ITIH3: variants seen among roughly 807,000 people sequenced by gnomAD.
The protein encoded by ITIH3 is inter-alpha-trypsin inhibitor heavy chain H3.
Under a neutral mutation model 96.5 loss-of-function variants are expected in ITIH3, and 81 were observed. The ratio of observed to expected loss-of-function variants is 0.84; its 90% CI spans 0.70 to 1.01. The LOEUF (loss-of-function observed/expected upper bound fraction) is 1.01. Among genes scored for constraint, ITIH3 ranks in the 50% least tolerant of loss-of-function variants. ITIH3 has a pLI of 0.00. For synonymous variants in ITIH3, 422 were observed against 445.2 expected, an observed-to-expected ratio of 0.95 and a Z score of 0.66; for missense variants, 1,057 against 1,139.3, an observed-to-expected ratio of 0.93 and a Z score of 1.04.
chr3:52,801,366 C>T (rs1256452991), intron 11 of ITIH3, among the ~76,000 whole-genome samples: 3 of 152,222 alleles, frequency 2.0e-5, no homozygotes, highest in South Asian at 2.1e-4. Flanking sequence ...CACAGGACAT[C>T]TGGTTCAATA....
Position 52,800,592 on chromosome 3 carries a change from G to T in ITIH3, c.1130G>T (p.Arg377Leu), listed in dbSNP as rs146731697. The T allele has an allele frequency of 9.5e-6, 15 of 1,572,720 alleles. No homozygotes were observed. Among genetic ancestry groups the T allele is most frequent in the East Asian group, 2.3e-5 (1 of 42,738 alleles). The change falls in exon 10 of 22, where the codon CGA (arginine) becomes CTA (leucine). Residue 377 changes from arginine to leucine, a missense_variant. Coordinates refer to ENST00000449956, the MANE Select transcript of ITIH3 (RefSeq NM_002217.4). ...GGCATCAGTATGCTGAACAAGGCCC[G>T]AGAGGAGCACAGAATCCCAGAGAGG... Reference protein sequence around the residue: ...LRGISMLNKAREEHRIPERST... With the variant: ...LRGISMLNKALEEHRIPERST...
intron 20 of ITIH3, 90 bp from the exon 21 acceptor site, chr3:52,808,020 T>C: frequency 6.4e-7 from 1 of 1,573,776 alleles, no homozygotes; most frequent in Non-Finnish European, 8.7e-7. Context: ...CAACACCCCA[T>C]TCAGCCTTTG....
chr3:52,800,355 G>GTTGT (rs1007067863), intron 9 of ITIH3, 183 bp from the exon 10 acceptor site: 4 of 655,916 alleles, frequency 6.1e-6, no homozygotes, highest in Non-Finnish European at 1.0e-5. Flanking sequence ...GAAAGTGGAA[G>GTTGT]TTGTTTGTTT....
At chr3:52,805,974 G>T in intron 16 of ITIH3, 129 bp from the exon 17 acceptor site, 9 of 1,504,912 alleles carry the variant, frequency 6.0e-6, no homozygotes, top group Non-Finnish European at 8.2e-6. Context: ...AGATTGCGGG[G>T]TGGGAGGGCA....
At chr3:52,798,020 G>A (rs1699663561) in intron 6 of ITIH3, 90 bp downstream of exon 6, 1 of 749,434 alleles carries the variant, frequency 1.3e-6, no homozygotes, top group Non-Finnish European at 2.2e-6. Flanking sequence ...CTTAGCTGCT[G>A]CAAGCATGCA....
In ITIH3 at chr3:52,800,605, A is replaced by C. The variant is rs1392256319; in HGVS notation, c.1143A>C (p.Arg381Ser). 6.3e-7 allele frequency: 1 copy of C among 1,580,132 alleles called. No individual in the cohort carries two copies. The highest frequency in any genetic ancestry group is 8.6e-7 in the Non-Finnish European group (1 of 1,162,908). The change falls in exon 10 of 22, where the codon AGA (arginine) becomes AGC (serine). Residue 381 changes from arginine (R) to serine (S), a missense_variant. By Grantham distance (110) the Arg-to-Ser change is moderately radical. Transcript: ENST00000449956. The part of the protein sequence containing the change: ...SMLNKAREEH[R>S]IPERSTSIVI... ...TGAACAAGGCCCGAGAGGAGCACAG[A>C]ATCCCAGAGAGGAGCACCTCCATTG...
chr3:52,802,727 C>A lies in ITIH3; in HGVS notation c.1630C>A (p.Gln544Lys), dbSNP rs376275642. The A allele has an allele frequency of 3.1e-6, 5 of 1,613,828 alleles. No individual in the cohort carries two copies. In the African/African-American group the frequency reaches 5.3e-5, roughly 17 times the overall value. ...CATGAAGGAGATGGAGAAGGCCCTG[C>A]AGGAGCGGGACTACATCTTCGGGAA... is the stretch of plus-strand genomic sequence containing the variant. ...VDMKEMEKAL[Q>K]ERDYIFGNYI... The change falls in exon 13 of 22, where the codon CAG becomes AAG. Residue 544 changes from glutamine to lysine, a missense_variant. Coordinates refer to ENST00000449956, the MANE Select transcript of ITIH3 (RefSeq NM_002217.4).
chr3:52,798,749 G>A (rs925730682), intron 6 of ITIH3: 24 of 577,244 alleles, frequency 4.2e-5, no homozygotes, highest in Non-Finnish European at 6.2e-5. Context: ...CAGAAAGGCC[G>A]GAGCGTGGTA....
chr3:52,801,001 G>A lies in ITIH3; in HGVS notation c.1238G>A (p.Arg413Gln), dbSNP rs773415108. The change falls in exon 11 of 22, where the codon CGG becomes CAG. Residue 413 changes from arginine (R) to glutamine (Q), a missense_variant. Physicochemically the swap from Arg to Gln is conservative, Grantham distance 43. Transcript: ENST00000449956. ...CCCGAAAAAATCCAAGAGAATGTGC[G>A]GAATGCCATCGGGGGCAAGTTCCCC... ...SRPEKIQENV[R>Q]NAIGGKFPLY... 6.2e-6 allele frequency: 10 copies of A among 1,613,924 alleles called. No individual in the cohort carries two copies. The highest frequency in any genetic ancestry group is 1.7e-5 in the Admixed American group (1 of 60,010).
chr3:52,802,239 AG>A (rs1176774023), intron 11 of ITIH3, 94 bp from the exon 12 acceptor site: 2 of 1,312,816 alleles, frequency 1.5e-6, no homozygotes, highest in Non-Finnish European at 2.1e-6. Flanking sequence ...AGGAGCCATT[AG>A]GACGGGCCCA....
chr3:52,795,587 G>A lies in ITIH3; in HGVS notation c.94-16G>A. ...TGGCCTGATTCCTGTGTTTGTGTTTGTTTTTGTTTTTTCAGAAACGGAGCC... is the reference window on the plus strand; with the variant it reads ...TGGCCTGATTCCTGTGTTTGTGTTTATTTTTGTTTTTTCAGAAACGGAGCC... On this transcript the variant is annotated splice_polypyrimidine_tract_variant and intron_variant, in intron 1 of 21. Transcript: ENST00000449956. The A allele has an allele frequency of 6.2e-7, 1 of 1,609,854 alleles. No homozygotes were observed. Among genetic ancestry groups the A allele is most frequent in the East Asian group, 2.2e-5 (1 of 44,794 alleles).
rs368876128 is a variant in ITIH3, at chr3:52,798,932, G to A, written c.664-34G>A. On this transcript the variant is annotated intron_variant, in intron 6 of 21. Coordinates refer to ENST00000449956, the MANE Select transcript of ITIH3 (RefSeq NM_002217.4). ...GTCTCCCAGTGGGCAGGCCCTGGCCGAGCTGAGCAAGGTCTTTCATCTCCA... is the reference window on the plus strand; with the variant it reads ...GTCTCCCAGTGGGCAGGCCCTGGCCAAGCTGAGCAAGGTCTTTCATCTCCA... 69 of 1,608,384 alleles carry A rather than the reference G, an allele frequency of 4.3e-5. No homozygotes were observed. The Middle Eastern group carries it at 8.2e-4, about 19-fold the overall frequency.
At chr3:52,804,835 C>A in intron 15 of ITIH3, 101 bp downstream of exon 15, 1 of 1,322,588 alleles carries the variant, frequency 7.6e-7, no homozygotes, top group Non-Finnish European at 1.1e-6. Flanking sequence ...GCCATGGGGG[C>A]ACACTTGGGA....
At chr3:52,801,599 C>T (rs192697099) in intron 11 of ITIH3, among the ~76,000 whole-genome samples, 75 of 152,228 alleles carry the variant, frequency 4.9e-4, no homozygotes, top group African/African-American at 1.8e-3. Context: ...GGCCTCTTTC[C>T]TTTTCTCCAT....
At chr3:52,805,483 AGGGG>A in intron 15 of ITIH3, 1 of 1,121,762 alleles carries the variant, frequency 8.9e-7, no homozygotes, top group Non-Finnish European at 1.1e-6. Flanking sequence ...CACCCCAACT[AGGGG>A]GTGGGAAGCC....
chr3:52,802,051 T>C (rs575254866), intron 11 of ITIH3, among the ~76,000 whole-genome samples: 7 of 152,308 alleles, frequency 4.6e-5, no homozygotes, highest in African/African-American at 1.2e-4. Context: ...AGACATTCCT[T>C]AAATACTTTC....
At chr3:52,799,546 T>A in intron 8 of ITIH3, 58 bp downstream of exon 8, 1 of 1,301,550 alleles carries the variant, frequency 7.7e-7, no homozygotes, top group Non-Finnish European at 1.1e-6. Context: ...GAAGAGATTT[T>A]TTTTTTTAAC....
chr3:52,806,003 AAGGGG>A (rs147311825), intron 16 of ITIH3, 95 bp from the exon 17 acceptor site: 34,527 of 1,497,048 alleles, frequency 0.023, 2,507 homozygotes, highest in African/African-American at 0.21. Context: ...AGCGAGCGGG[AAGGGG>A]AGGGGAGGGG....
In ITIH3 at chr3:52,805,989, C is replaced by T. The variant is rs551883289; in HGVS notation, c.1907-114C>T. On this transcript the variant is annotated intron_variant, in intron 16 of 21. Coordinates refer to ENST00000449956, the MANE Select transcript of ITIH3 (RefSeq NM_002217.4). ...AGATTGCGGGGTGGGAGGGCAATGG[C>T]ATTAGCGAGCGGGAAGGGGAGGGGA... 35 of 1,323,054 alleles carry T rather than the reference C, an allele frequency of 2.6e-5. No homozygotes were observed. In the African/African-American group the frequency reaches 4.5e-4, roughly 17 times the overall value. The allele number at this position is 1,323,054 out of a possible 1,614,324, so 82.0% of individuals were successfully genotyped here.
Sources: gnomAD v4.1 joint callset for allele counts (sites outside exome capture counted in the v4.1 genomes callset) on GRCh38, gnomAD v4.1.1 for gene constraint, MANE v1.5 for transcripts, NCBI Gene and HGNC (gene_info 2026-07-23, HGNC 2026-07-21) for gene names.